DCHS2: variants seen among roughly 807,000 people sequenced by gnomAD.
The protein encoded by DCHS2 is protocadherin-23.
In DCHS2, 142 loss-of-function variants were observed where a neutral mutation model predicts 182.4. The ratio of observed to expected loss-of-function variants is 0.78; its 90% CI spans 0.68 to 0.89. The LOEUF (loss-of-function observed/expected upper bound fraction) is 0.89. Among genes scored for constraint, DCHS2 ranks in the 40% least tolerant of loss-of-function variants. DCHS2 has a pLI of 0.00. For synonymous variants in DCHS2, 1,740 were observed against 1,663.3 expected (o/e 1.05, Z -1.12); for missense variants, 4,319 against 4,198.6 (o/e 1.03, Z -0.79).
intron 1 of DCHS2, among the ~76,000 whole-genome samples, chr4:154,385,110 T>A (rs1731344637): frequency 7.8e-6 from 1 of 128,844 alleles, no homozygotes; most frequent in African/African-American, 2.9e-5. Context: ...GTGTGTGATG[T>A]TCCCCTCCTG....
intron 1 of DCHS2, among the ~76,000 whole-genome samples, chr4:154,466,467 A>T (rs1217273151): frequency 6.6e-6 from 1 of 152,202 alleles, no homozygotes; most frequent in Non-Finnish European, 1.5e-5. Flanking sequence ...GCAAGCGGTA[A>T]CGAAGCCAGC....
At chr4:154,454,078 G>C (rs1394810054) in intron 1 of DCHS2, among the ~76,000 whole-genome samples, 1 of 151,818 alleles carries the variant, frequency 6.6e-6, no homozygotes, top group Admixed American at 6.6e-5. Flanking sequence ...ATGTACAATG[G>C]TCCAATCATT....
chr4:154,322,605 GTATGAACACAAAAA>G, intron 7 of DCHS2, 117 bp from the exon 8 acceptor site: 1 of 1,278,412 alleles, frequency 7.8e-7, no homozygotes, highest in South Asian at 2.0e-5. Flanking sequence ...TTCTATGAGA[GTATGAACACAAAAA>G]TGACACTAAA....
At chr4:154,420,246 C>CAGACAGACAGAT (rs1553950394) in intron 1 of DCHS2, among the ~76,000 whole-genome samples, 42 of 144,852 alleles carry the variant, frequency 2.9e-4, no homozygotes, top group African/African-American at 1.0e-3. Context: ...GACAGACAGA[C>CAGACAGACAGAT]AGATAGATAG....
intron 1 of DCHS2, among the ~76,000 whole-genome samples, chr4:154,386,488 CT>C (rs11419432): frequency 6.6e-6 from 1 of 151,816 alleles, no homozygotes; most frequent in East Asian, 1.9e-4. Flanking sequence ...TCTGTCTCAC[CT>C]TTTTTTTCTT....
chr4:154,337,259 A>T (rs1728854133), intron 3 of DCHS2, among the ~76,000 whole-genome samples: 1 of 152,158 alleles, frequency 6.6e-6, no homozygotes, highest in Admixed American at 6.5e-5. Flanking sequence ...ATCCCCACTC[A>T]CCAGGTATAT....
At chr4:154,267,270 C>G (rs1447474527) in intron 14 of DCHS2, among the ~76,000 whole-genome samples, 1 of 152,166 alleles carries the variant, frequency 6.6e-6, no homozygotes, top group East Asian at 1.9e-4. Flanking sequence ...AGGTGTGTGA[C>G]CTTGATAAAC....
intron 2 of DCHS2, among the ~76,000 whole-genome samples, chr4:154,372,191 A>G (rs1331013511): frequency 6.6e-6 from 1 of 152,158 alleles, no homozygotes; most frequent in Non-Finnish European, 1.5e-5. Flanking sequence ...AAAACACGGG[A>G]CAATGGGGGG....
chr4:154,307,671 A>G (rs1341742555), intron 10 of DCHS2, among the ~76,000 whole-genome samples: 3 of 152,072 alleles, frequency 2.0e-5, no homozygotes, highest in African/African-American at 7.2e-5. Context: ...CATTCCAACC[A>G]TCTCTTTACT....
At chr4:154,350,595 T>A (rs1325246603) in intron 3 of DCHS2, among the ~76,000 whole-genome samples, 5 of 152,330 alleles carry the variant, frequency 3.3e-5, no homozygotes, top group Non-Finnish European at 1.5e-5. Flanking sequence ...CTTGGTATCT[T>A]CTACATCTTA....
At chr4:154,299,658 C>T (rs1735120409) in intron 12 of DCHS2, among the ~76,000 whole-genome samples, 1 of 152,132 alleles carries the variant, frequency 6.6e-6, no homozygotes, top group Non-Finnish European at 1.5e-5. Context: ...TTAATTTACA[C>T]CAAAAGTAGA....
chr4:154,295,561 C>A (rs1035965701), intron 13 of DCHS2, among the ~76,000 whole-genome samples: 1 of 152,198 alleles, frequency 6.6e-6, no homozygotes, highest in Non-Finnish European at 1.5e-5. Context: ...AGGCCCCTAA[C>A]AACCACTAGT....
At chr4:154,485,937 G>A (rs1490652) in intron 1 of DCHS2, among the ~76,000 whole-genome samples, 25,507 of 152,150 alleles carry the variant, frequency 0.17, 2,607 homozygotes, top group Admixed American at 0.28. Context: ...TTATCTGAGC[G>A]AAAATGGAAT....
chr4:154,374,577 T>C (rs953488012), intron 2 of DCHS2, among the ~76,000 whole-genome samples: 2 of 152,214 alleles, frequency 1.3e-5, no homozygotes, highest in Non-Finnish European at 2.9e-5. Context: ...AGTAAGGTAT[T>C]GGCAAAAATC....
chr4:154,339,244 C>T (rs534408913), intron 3 of DCHS2, among the ~76,000 whole-genome samples: 1 of 152,128 alleles, frequency 6.6e-6, no homozygotes, highest in African/African-American at 2.4e-5. Context: ...CAAATTCAAC[C>T]TTCCTCCACC....
At chr4:154,425,724 CCATAACCAATTTTTAAA>C (rs1733297561) in intron 1 of DCHS2, among the ~76,000 whole-genome samples, 1 of 152,236 alleles carries the variant, frequency 6.6e-6, no homozygotes, top group South Asian at 2.1e-4. Context: ...CTTAAATGAA[CCATAACCAATTTTTAAA>C]CAGAGCTTTT....
At chr4:154,346,170 G>A (rs758888591) in intron 3 of DCHS2, among the ~76,000 whole-genome samples, 1 of 152,128 alleles carries the variant, frequency 6.6e-6, no homozygotes, top group Non-Finnish European at 1.5e-5. Flanking sequence ...TAGGGGTGAG[G>A]GTTTCAACAT....
rs764792734 is a variant in DCHS2 at position 154,235,301 on chromosome 4, CTT to C, written c.9349_9350del (p.Lys3117ValfsTer8). 1 of 1,614,094 alleles carries C rather than the reference CTT, an allele frequency of 6.2e-7. No homozygotes were observed. The highest frequency in any genetic ancestry group is 8.5e-7 in the Non-Finnish European group (1 of 1,179,976). Reference sequence around the variant, plus strand: ...GGTCACTCAGAGCTGAGTCTGAGCACTTTCTGTAGGGATGCTCATTTATCCTC... The same window carrying C: ...GGTCACTCAGAGCTGAGTCTGAGCACTCTGTAGGGATGCTCATTTATCCTC... ...IQRINEHPYR[K>X]CSDSALSDHE... On this transcript the variant is annotated frameshift_variant, in exon 20 of 20. Transcript: ENST00000357232. LOFTEE classifies it low-confidence loss of function (END_TRUNC).
intron 19 of DCHS2, chr4:154,237,678 T>C (rs1397549097): frequency 6.6e-6 from 1 of 152,250 alleles, no homozygotes; most frequent in Non-Finnish European, 1.5e-5. Context: ...ATGTTTCCCT[T>C]ATTGCTGAAA....
Sources: gnomAD v4.1 joint callset for allele counts (sites outside exome capture counted in the v4.1 genomes callset) on GRCh38, gnomAD v4.1.1 for gene constraint, MANE v1.5 for transcripts, NCBI Gene and HGNC (gene_info 2026-07-23, HGNC 2026-07-21) for gene names.